The following RANBP2 variants were observed in gnomAD, a reference collection of about 807,000 sequenced individuals.
RANBP2 encodes the protein E3 SUMO-protein ligase RanBP2.
A neutral mutation model predicts 303.6 loss-of-function variants in RANBP2; 57 were observed. The ratio of observed to expected loss-of-function variants is 0.19; its 90% CI spans 0.15 to 0.23. The LOEUF is 0.23. Ranked by LOEUF, RANBP2 falls within the 10% of genes least tolerant of loss-of-function variation. The pLI is 1.00. For synonymous variants in RANBP2, 1,167 were observed against 1,301.5 expected, an observed-to-expected ratio of 0.90 and a Z score of 2.23; for missense variants, 3,138 against 3,780.8, an observed-to-expected ratio of 0.83 and a Z score of 4.46.
chr2:109,199,598 G>GAACCCGT, the RANBP2 span, among the ~76,000 whole-genome samples: 1 of 234 alleles, frequency 4.3e-3, no homozygotes, highest in Non-Finnish European at 8.2e-3. Context: ...GGAATGGAAT[G>GAACCCGT]GAATGGAATG....
At chr2:108,959,322 T>C in the RANBP2 span, among the ~76,000 whole-genome samples, 3 of 152,174 alleles carry the variant, frequency 2.0e-5, no homozygotes, top group East Asian at 5.8e-4. Context: ...AGAGATGACC[T>C]GGTGTTGGAG....
In RANBP2 at chr2:108,749,074, T is replaced by C. The variant is rs374334459; in HGVS notation, c.1218T>C (p.Ile406=). ...CATCTTTTCTTGGTAGCGATGATAT[T>C]GGAAACATTGATGTACGAGAACCAG... The part of the protein sequence containing the change: ...KDTSFLGSDD[I]GNIDVREPEL... Residue 406 remains isoleucine, a synonymous_variant, in exon 9 of 29, where the codon ATT becomes ATC. Transcript: ENST00000283195. The C allele has an allele frequency of 5.0e-6, 8 of 1,612,012 alleles. No individual in the cohort carries two copies. The highest frequency in any genetic ancestry group is 5.9e-6 in the Non-Finnish European group (7 of 1,179,862).
At chr2:109,565,944 TAATTA>T in the RANBP2 span, 11 of 1,195,684 alleles carry the variant, frequency 9.2e-6, no homozygotes, top group South Asian at 8.5e-5. Flanking sequence ...GAGAAGAGAA[TAATTA>T]AATAACAAAC....
the RANBP2 span, among the ~76,000 whole-genome samples, chr2:109,763,088 A>G: frequency 1.3e-5 from 2 of 150,140 alleles, no homozygotes; most frequent in Admixed American, 1.4e-4. Context: ...TTGTTTTCTT[A>G]TTTGAGTCTC....
chr2:109,608,454 AG>A, the RANBP2 span, among the ~76,000 whole-genome samples: 1 of 152,216 alleles, frequency 6.6e-6, no homozygotes, highest in South Asian at 2.1e-4. Context: ...TAAGGGAGGA[AG>A]GTAAAGGAAA....
At chr2:109,183,907 G>A in the RANBP2 span, among the ~76,000 whole-genome samples, 1 of 152,208 alleles carries the variant, frequency 6.6e-6, no homozygotes, top group Non-Finnish European at 1.5e-5. Flanking sequence ...TAGAATCCCA[G>A]AGACCTGTGC....
chr2:109,267,352 G>T, the RANBP2 span, among the ~76,000 whole-genome samples: 2 of 152,126 alleles, frequency 1.3e-5, no homozygotes, highest in Non-Finnish European at 2.9e-5. Flanking sequence ...AACCCAAAAA[G>T]ACCCCAAAGG....
chr2:109,223,482 C>G, the RANBP2 span, among the ~76,000 whole-genome samples: 5 of 152,226 alleles, frequency 3.3e-5, no homozygotes, highest in Non-Finnish European at 7.3e-5. Context: ...CATGGCCTGC[C>G]CATGTCAGTC....
the RANBP2 span, among the ~76,000 whole-genome samples, chr2:109,452,621 G>A: frequency 2.6e-5 from 4 of 152,166 alleles, no homozygotes; most frequent in Admixed American, 2.0e-4. Context: ...AGATTTACGC[G>A]CCATATCCCT....
At chr2:109,617,252 G>A in the RANBP2 span, 1 of 166,852 alleles carries the variant, frequency 6.0e-6, no homozygotes, top group Non-Finnish European at 1.5e-5. Context: ...GAAAATCTGG[G>A]TAGTAAATCT....
At chr2:109,736,374 A>G in the RANBP2 span, among the ~76,000 whole-genome samples, 1 of 152,186 alleles carries the variant, frequency 6.6e-6, no homozygotes, top group Non-Finnish European at 1.5e-5. Context: ...CCACTTCTTC[A>G]GGCCCCACTC....
chr2:109,088,021 T>A, the RANBP2 span, among the ~76,000 whole-genome samples: 2 of 152,102 alleles, frequency 1.3e-5, no homozygotes, highest in African/African-American at 4.8e-5. Flanking sequence ...TCCCAGCACT[T>A]TGGGAGGCCA....
At chr2:109,293,351 C>G in the RANBP2 span, among the ~76,000 whole-genome samples, 1 of 152,222 alleles carries the variant, frequency 6.6e-6, no homozygotes, top group Non-Finnish European at 1.5e-5. Flanking sequence ...TGTGTGTCAT[C>G]AGGGGCCAGA....
At chr2:109,063,988 T>C in the RANBP2 span, among the ~76,000 whole-genome samples, 1 of 152,176 alleles carries the variant, frequency 6.6e-6, no homozygotes, top group Non-Finnish European at 1.5e-5. Context: ...AGCCATCATG[T>C]CCGTTTCATG....
chr2:109,414,720 A>G, the RANBP2 span, among the ~76,000 whole-genome samples: 1 of 152,268 alleles, frequency 6.6e-6, no homozygotes, highest in East Asian at 1.9e-4. Flanking sequence ...CAGGCACACC[A>G]AACACTGCGT....
chr2:109,668,438 A>G, the RANBP2 span, among the ~76,000 whole-genome samples: 1 of 152,218 alleles, frequency 6.6e-6, no homozygotes, highest in East Asian at 1.9e-4. Context: ...TGAAAACTAC[A>G]AAGTATTCTC....
At chr2:109,253,719 C>A in the RANBP2 span, among the ~76,000 whole-genome samples, 1 of 152,234 alleles carries the variant, frequency 6.6e-6, no homozygotes, top group African/African-American at 2.4e-5. Flanking sequence ...TATAATAGAA[C>A]AGGTGGTTAT....
the RANBP2 span, among the ~76,000 whole-genome samples, chr2:108,838,767 T>G: frequency 6.6e-6 from 1 of 152,174 alleles, no homozygotes; most frequent in East Asian, 1.9e-4. Context: ...CAGTATAAAT[T>G]TATATAGATA....
At chr2:108,973,012 G>A in the RANBP2 span, among the ~76,000 whole-genome samples, 2 of 151,904 alleles carry the variant, frequency 1.3e-5, no homozygotes, top group South Asian at 4.2e-4. Flanking sequence ...TTGAGATGGA[G>A]TTTCACTCTT....
Sources: allele counts gnomAD v4.1 joint callset (sites outside exome capture counted in the v4.1 genomes callset), GRCh38; gene constraint gnomAD v4.1.1; transcripts MANE v1.5; gene names NCBI Gene and HGNC (gene_info 2026-07-23, HGNC 2026-07-21).